The following PLEC variants were observed in gnomAD, a reference collection of about 807,000 sequenced individuals.
PLEC encodes the protein hemidesmosomal protein 1.
Under a neutral mutation model 392.8 loss-of-function variants are expected in PLEC, and 216 were observed. The ratio of observed to expected loss-of-function variants is 0.55; its 90% CI spans 0.49 to 0.62. The LOEUF (loss-of-function observed/expected upper bound fraction) is 0.62. Among genes scored for constraint, PLEC ranks in the 20% least tolerant of loss-of-function variants. The probability of loss-of-function intolerance (pLI) is 0.00; values close to 1 mark genes in which losing one functional copy is unlikely to be tolerated. For synonymous variants in PLEC, 3,621 were observed against 2,980.6 expected (o/e 1.21, Z -7.00); for missense variants, 6,863 against 6,563.4 (o/e 1.05, Z -1.58).
At chr8:143,953,032 C>T (rs1482469076), upstream of PLEC, among the ~76,000 whole-genome samples, 2 of 137,832 alleles carry the variant, frequency 1.5e-5, no homozygotes, top group Non-Finnish European at 3.1e-5. Context: ...GCAGCACACA[C>T]CCCCCCCGAA....
At chr8:143,936,948 G>C (rs781930013) in intron 5 of PLEC, 31 bp downstream of exon 5, 161 of 1,527,746 alleles carry the variant, frequency 1.1e-4, no homozygotes, top group Non-Finnish European at 1.4e-4. Context: ...ACTCCTGCAG[G>C]GGGTGGGGGT....
chr8:143,950,074 C>T (rs1195499708), intron 1 of PLEC: 10 of 1,378,424 alleles, frequency 7.3e-6, no homozygotes, highest in East Asian at 5.1e-5. Flanking sequence ...AGCGACGCTC[C>T]GCAAGCCGGC....
intron 3 of PLEC, chr8:143,937,715 C>A: frequency 2.0e-6 from 1 of 489,304 alleles, no homozygotes; most frequent in Non-Finnish European, 4.0e-6. Flanking sequence ...GGGGAGCTCC[C>A]GTGCCGCTGC....
rs181197861 is a variant in PLEC, at chr8:143,933,437, G to A, written c.1264-86C>T. 136 of 1,522,772 alleles carry A rather than the reference G, an allele frequency of 8.9e-5. 2 individuals carry two copies. Among genetic ancestry groups the A allele is most frequent in the East Asian group, 8.1e-4 (36 of 44,534 alleles). 94.3% of individuals were successfully genotyped at this position (1,522,772 alleles called of 1,614,324 possible). On this transcript the variant is annotated intron_variant, in intron 12 of 31. Coordinates refer to ENST00000345136, the MANE Select transcript of PLEC (RefSeq NM_201384.3). ...CCGGCCAAGACGGCCACCCTCAGCC[G>A]CTTCCTCAGCCTCAGTGGGCCACTG...
At chr8:143,954,873 G>T (rs1466171639), upstream of PLEC, among the ~76,000 whole-genome samples, 1 of 152,198 alleles carries the variant, frequency 6.6e-6, no homozygotes, top group Non-Finnish European at 1.5e-5. The surrounding 1 kb of genome is among the most constrained non-coding windows in gnomAD (Gnocchi z 4.6). Context: ...TCAGTCTCCA[G>T]CAAGGCCTTT....
chr8:143,934,143 C>T, intron 11 of PLEC, 52 bp from the exon 12 acceptor site: 1 of 1,598,146 alleles, frequency 6.3e-7, no homozygotes, highest in Non-Finnish European at 8.5e-7. Flanking sequence ...CGGCACAGCC[C>T]TGGCCACAGA....
intron 1 of PLEC, among the ~76,000 whole-genome samples, chr8:143,962,230 T>C (rs1832901583): frequency 6.6e-6 from 1 of 152,154 alleles, no homozygotes. Context: ...CAAGTGTCCT[T>C]AGACGAGGAG....
Position 143,921,104 on chromosome 8 carries a change from T to C in PLEC, c.8717A>G (p.Glu2906Gly). ...GAACGGCGCAGACACGGTGGCCTTC[T>C]CAAAGACGTCCCGGGCCTCGGAGTC... Reference protein sequence around the residue: ...YTDSEARDVFEKATVSAPFGK... With the variant: ...YTDSEARDVFGKATVSAPFGK... The change falls in exon 32 of 32, where the codon GAG (glutamate) becomes GGG (glycine). Residue 2906 changes from glutamate (E) to glycine (G), a missense_variant. Glu to Gly is a moderately conservative substitution (Grantham distance 98). Coordinates refer to ENST00000345136, the MANE Select transcript of PLEC (RefSeq NM_201384.3). 2 of 1,612,270 alleles carry C rather than the reference T, an allele frequency of 1.2e-6. No homozygotes were observed. The highest frequency in any genetic ancestry group is 2.2e-5 in the South Asian group (2 of 91,090).
At chr8:143,939,682 A>G, upstream of PLEC, 1 of 1,378,516 alleles carries the variant, frequency 7.3e-7, no homozygotes, top group Non-Finnish European at 9.4e-7. Flanking sequence ...GGCCGCCGCC[A>G]GGGAGGGGAG....
At chr8:143,951,725 C>A (rs1832166744), upstream of PLEC, among the ~76,000 whole-genome samples, 1 of 152,114 alleles carries the variant, frequency 6.6e-6, no homozygotes, top group African/African-American at 2.4e-5. Context: ...CCTGGGCAGC[C>A]CAAGTGCCCG....
upstream of PLEC, among the ~76,000 whole-genome samples, chr8:143,940,152 T>C (rs975671332): frequency 7.9e-5 from 12 of 152,136 alleles, no homozygotes; most frequent in African/African-American, 2.9e-4. Context: ...CCATGGTGCC[T>C]GCCCTGGCCC....
At chr8:143,971,593 T>G (rs2132971770) in intron 1 of PLEC, among the ~76,000 whole-genome samples, 1 of 152,302 alleles carries the variant, frequency 6.6e-6, no homozygotes, top group Admixed American at 6.5e-5. Context: ...CCTTGGTCCG[T>G]GGCTCCCAGA....
chr8:143,965,858 G>A (rs773261725), intron 1 of PLEC, among the ~76,000 whole-genome samples: 111 of 152,162 alleles, frequency 7.3e-4, no homozygotes, highest in Non-Finnish European at 1.2e-3. Context: ...TGCCCCCTGT[G>A]ACCATGCAGG....
upstream of PLEC, chr8:143,951,008 G>A (rs928830711): frequency 5.8e-6 from 3 of 515,870 alleles, no homozygotes; most frequent in East Asian, 3.7e-5. Flanking sequence ...ACCCACAGCC[G>A]ACGGGGCCCT....
Position 143,933,286 on chromosome 8 carries a change from G to A in PLEC, c.1329C>T (p.Asp443=), listed in dbSNP as rs551804972. The part of the protein sequence containing the change: ...QRAGEVERDL[D]KADSMIRLLF... Reference sequence around the variant, plus strand: ...GCAGCCGGATCATGCTATCCGCCTTGTCCAAGTCCCGTTCCACCTCCCCCG... The same window carrying A: ...GCAGCCGGATCATGCTATCCGCCTTATCCAAGTCCCGTTCCACCTCCCCCG... Residue 443 remains aspartate, a synonymous_variant, in exon 13 of 32, where the codon GAC becomes GAT. Transcript: ENST00000345136. The A allele has an allele frequency of 1.2e-6, 2 of 1,613,102 alleles. No individual in the cohort carries two copies. Among genetic ancestry groups the A allele is most frequent in the Admixed American group, 1.7e-5 (1 of 60,024 alleles).
rs371422018 is a variant in PLEC at position 143,921,345 on chromosome 8, C to T, written c.8476G>A (p.Val2826Met). The change falls in exon 32 of 32, where the codon GTG (valine) becomes ATG (methionine). Residue 2826 changes from valine to methionine, a missense_variant. Physicochemically the swap from Val to Met is conservative, Grantham distance 21. Transcript: ENST00000345136. ...IDPVHSHRVP[V>M]DVAYRRGYFD... ...TAGCCGCGCCGGTAGGCCACGTCCACGGGCACGCGGTGGCTGTGCACGGGG... is the reference window on the plus strand; with the variant it reads ...TAGCCGCGCCGGTAGGCCACGTCCATGGGCACGCGGTGGCTGTGCACGGGG... The T allele has an allele frequency of 1.3e-5, 21 of 1,613,598 alleles. No homozygotes were observed. Among genetic ancestry groups the T allele is most frequent in the Middle Eastern group, 1.6e-4 (1 of 6,084 alleles).
rs782291350 is a variant in PLEC, at chr8:143,932,472, C to G, written c.1905G>C (p.Lys635Asn). The part of the protein sequence containing the change: ...ATKELMWLNE[K>N]EEEEVGFDWS... ...AGTCGAAGCCCACCTCCTCCTCCTC[C>G]TTCTCATTCAGCCACATTAGCTCCT... Residue 635 changes from lysine (K) to asparagine (N), a missense_variant, in exon 16 of 32, where the codon AAG becomes AAC. Transcript: ENST00000345136. 1.2e-6 allele frequency: 2 copies of G among 1,612,768 alleles called. No homozygotes were observed. The highest frequency in any genetic ancestry group is 8.5e-7 in the Non-Finnish European group (1 of 1,179,988).
Position 143,924,206 on chromosome 8 carries a change from C to A in PLEC, c.5723G>T (p.Arg1908Leu). The A allele has an allele frequency of 4.4e-6, 7 of 1,598,948 alleles. No homozygotes were observed. Among genetic ancestry groups the A allele is most frequent in the Non-Finnish European group, 5.9e-6 (7 of 1,179,530 alleles). Residue 1908 changes from arginine to leucine, a missense_variant, in exon 31 of 32, where the codon CGG becomes CTG. By Grantham distance (102) the Arg-to-Leu change is moderately radical (BLOSUM62 -2). Coordinates refer to ENST00000345136, the MANE Select transcript of PLEC (RefSeq NM_201384.3). ...CGTGTCCTCCACCAGCCCCTTCTGC[C>A]GCTCCAGCTCGCTGTCCGATGCCTT... is the stretch of plus-strand genomic sequence containing the variant. ...LRKASDSELE[R>L]QKGLVEDTLR...
rs369024560 is a variant in PLEC at position 143,931,972 on chromosome 8, C to T, written c.2143G>A (p.Glu715Lys). Reference sequence around the variant, plus strand: ...GCAGCGTTCTCCTTCAGGTGTGCCTCGATACAGCAGCACAGCTGTAGCATC... The same window carrying T: ...GCAGCGTTCTCCTTCAGGTGTGCCTTGATACAGCAGCACAGCTGTAGCATC... The part of the protein sequence containing the change: ...SWMLQLCCCI[E>K]AHLKENAAYF... The change falls in exon 18 of 32, where the codon GAG becomes AAG. Residue 715 changes from glutamate to lysine, a missense_variant. By Grantham distance (56) the Glu-to-Lys change is moderately conservative (BLOSUM62 1). Coordinates refer to ENST00000345136, the MANE Select transcript of PLEC (RefSeq NM_201384.3). The T allele has an allele frequency of 6.2e-6, 10 of 1,607,676 alleles. No individual in the cohort carries two copies. Among genetic ancestry groups the T allele is most frequent in the South Asian group, 2.2e-5 (2 of 90,176 alleles).
Sources: gnomAD v4.1 joint callset for allele counts (sites outside exome capture counted in the v4.1 genomes callset) on GRCh38, gnomAD v4.1.1 for gene constraint, Gnocchi (gnomAD v3.1) non-coding constraint, MANE v1.5 for transcripts, NCBI Gene and HGNC (gene_info 2026-07-23, HGNC 2026-07-21) for gene names.